Variants in LRMDA observed in about 807,000 individuals in gnomAD.
LRMDA encodes leucine-rich melanocyte differentiation-associated protein.
In LRMDA, 18 loss-of-function variants were observed where a neutral mutation model predicts 29.8. The observed-to-expected ratio is 0.60, with a 90% CI of 0.42 to 0.90. The LOEUF is 0.90. LRMDA is among the 40% of genes least tolerant of loss of function. LRMDA has a pLI of 0.00. For synonymous variants in LRMDA, 125 were observed against 109.4 expected (o/e 1.14, Z -0.89); for missense variants, 273 against 273.9 (o/e 1.00, Z 0.02).
chr10:76,109,082 T>C (rs2132111237), intron 5 of LRMDA, among the ~76,000 whole-genome samples: 1 of 152,258 alleles, frequency 6.6e-6, no homozygotes, highest in East Asian at 1.9e-4. Context: ...GTTGTAGCTC[T>C]CCCTCGCTGA....
intron 2 of LRMDA, among the ~76,000 whole-genome samples, chr10:75,939,785 C>A (rs1372179279): frequency 6.6e-6 from 1 of 152,162 alleles, no homozygotes; most frequent in African/African-American, 2.4e-5. Flanking sequence ...GGCTCTCAGG[C>A]TTCCTAGTCC....
intron 2 of LRMDA, among the ~76,000 whole-genome samples, chr10:75,882,253 A>T (rs543345681): frequency 1.3e-5 from 2 of 152,272 alleles, no homozygotes; most frequent in East Asian, 1.9e-4. Context: ...TATTTTTTTT[A>T]AATGTGAAAT....
chr10:75,526,077 T>C (rs1403168415), intron 2 of LRMDA, among the ~76,000 whole-genome samples: 1 of 151,912 alleles, frequency 6.6e-6, no homozygotes, highest in Non-Finnish European at 1.5e-5. Context: ...TTTTCATTTC[T>C]TTTTTAGAGA....
At position 75,799,620 on chromosome 10, in the gene LRMDA, T is replaced by G. The variant is rs1032156370; in HGVS notation, c.132-236388T>G. Among the ~76,000 whole-genome samples the G allele has an allele frequency of 2.0e-5, 3 of 151,770 alleles. No individual in the cohort carries two copies. In the South Asian group the frequency reaches 6.3e-4, roughly 32 times the overall value. On this transcript the variant is annotated intron_variant, in intron 2 of 6. Coordinates refer to ENST00000611255, the MANE Select transcript of LRMDA (RefSeq NM_001305581.2). ...ACCTCCGCCTCCCGGGTTCAAGTGA[T>G]TCTCCTGCCTCAGCCTCCCAAGTAG...
At chr10:76,154,625 C>T (rs938453321) in intron 5 of LRMDA, among the ~76,000 whole-genome samples, 7 of 152,158 alleles carry the variant, frequency 4.6e-5, no homozygotes, top group Non-Finnish European at 7.3e-5. Flanking sequence ...TTGCCCTTTC[C>T]GAAGGCTTAG....
chr10:76,304,662 T>C (rs1167169160), intron 5 of LRMDA, among the ~76,000 whole-genome samples: 1 of 152,198 alleles, frequency 6.6e-6, no homozygotes, highest in African/African-American at 2.4e-5. Context: ...ATTTGTTCAA[T>C]ATTTTAAGTT....
chr10:76,133,557 G>A (rs879382073), intron 5 of LRMDA, among the ~76,000 whole-genome samples: 4 of 151,398 alleles, frequency 2.6e-5, no homozygotes, highest in Non-Finnish European at 5.9e-5. Context: ...TGTGTGGAGA[G>A]CGAGGAGGGG....
intron 5 of LRMDA, among the ~76,000 whole-genome samples, chr10:76,210,581 T>C (rs546489411): frequency 1.2e-4 from 19 of 152,228 alleles, no homozygotes; most frequent in Admixed American, 1.2e-3. Context: ...GATATATATA[T>C]TGAAATGGCG....
intron 4 of LRMDA, among the ~76,000 whole-genome samples, chr10:76,056,887 G>A (rs1034056376): frequency 6.6e-6 from 1 of 152,134 alleles, no homozygotes; most frequent in African/African-American, 2.4e-5. Context: ...AGGGCATGGG[G>A]CTCCCACCTG....
At chr10:75,617,000 G>A (rs1754807822) in intron 2 of LRMDA, among the ~76,000 whole-genome samples, 1 of 152,196 alleles carries the variant, frequency 6.6e-6, no homozygotes, top group Non-Finnish European at 1.5e-5. Context: ...ACTGGCTAGG[G>A]ATGACCTAAG....
chr10:75,729,031 C>T (rs1447243549), intron 2 of LRMDA, among the ~76,000 whole-genome samples: 2 of 152,190 alleles, frequency 1.3e-5, no homozygotes, highest in Non-Finnish European at 2.9e-5. Context: ...GCTGCCTTCT[C>T]TGGGAAGGCT....
At chr10:76,530,435 A>G (rs1407241726) in intron 6 of LRMDA, among the ~76,000 whole-genome samples, 2 of 152,190 alleles carry the variant, frequency 1.3e-5, no homozygotes, top group African/African-American at 2.4e-5. Flanking sequence ...GATCCATTTT[A>G]TAGGCAATCT....
chr10:76,213,306 G>A (rs894975597), intron 5 of LRMDA, among the ~76,000 whole-genome samples: 1 of 152,206 alleles, frequency 6.6e-6, no homozygotes, highest in African/African-American at 2.4e-5. Flanking sequence ...ACATCAAGTT[G>A]TGAATGGAAG....
intron 6 of LRMDA, among the ~76,000 whole-genome samples, chr10:76,340,611 T>C (rs914411788): frequency 1.3e-5 from 2 of 148,172 alleles, no homozygotes; most frequent in Non-Finnish European, 3.0e-5. Flanking sequence ...ACAGAATAGA[T>C]AGGAACTTCC....
intron 5 of LRMDA, among the ~76,000 whole-genome samples, chr10:76,112,676 A>G (rs773574088): frequency 4.0e-4 from 52 of 130,248 alleles, no homozygotes; most frequent in Admixed American, 1.3e-3. Context: ...CCCATCTCCT[A>G]CTGCACTAGG....
intron 5 of LRMDA, among the ~76,000 whole-genome samples, chr10:76,158,853 T>C (rs1025846298): frequency 1.3e-5 from 2 of 152,148 alleles, no homozygotes; most frequent in African/African-American, 4.8e-5. Context: ...AAAGTAACAT[T>C]ACAGAGATAT....
In LRMDA at chr10:75,487,588, C is replaced by A. The variant is rs980580809; in HGVS notation, c.131+49094C>A. ...TACAATCTTGGTCACAGTTTCTCCT[C>A]CCACCCCTCCTTCCTATTCTCTTAC... On this transcript the variant is annotated intron_variant, in intron 2 of 6. Transcript: ENST00000611255. Among the ~76,000 whole-genome samples, 4 of 152,120 alleles carry A rather than the reference C, an allele frequency of 2.6e-5. No individual in the cohort carries two copies. In the South Asian group the frequency reaches 8.3e-4, roughly 32 times the overall value.
chr10:76,250,581 C>T (rs573372223), intron 5 of LRMDA, among the ~76,000 whole-genome samples: 1 of 152,296 alleles, frequency 6.6e-6, no homozygotes, highest in East Asian at 1.9e-4. Context: ...TGGAGCATTT[C>T]AATTTAAGTT....
intron 6 of LRMDA, among the ~76,000 whole-genome samples, chr10:76,551,505 A>G (rs1010269267): frequency 1.3e-5 from 2 of 152,226 alleles, no homozygotes; most frequent in African/African-American, 2.4e-5. Flanking sequence ...GGTTCAACCT[A>G]TAATTGTTTA....
Sources: allele counts gnomAD v4.1 joint callset (sites outside exome capture counted in the v4.1 genomes callset), GRCh38; gene constraint gnomAD v4.1.1; transcripts MANE v1.5; gene names NCBI Gene and HGNC (gene_info 2026-07-23, HGNC 2026-07-21).